EPHA5: variants seen among roughly 807,000 people sequenced by gnomAD.
EPHA5 encodes the protein ephrin type-A receptor 5.
Under a neutral mutation model 105.0 loss-of-function variants are expected in EPHA5, and 60 were observed. That is an observed-to-expected ratio of 0.57 (90% CI 0.46 to 0.71). The LOEUF (loss-of-function observed/expected upper bound fraction) is 0.71, where lower values mean the gene tolerates loss of function less well. EPHA5 is among the 30% of genes least tolerant of loss of function. EPHA5 has a pLI of 0.00. For synonymous variants in EPHA5, 513 were observed against 449.1 expected (o/e 1.14, Z -1.80); for missense variants, 1,218 against 1,274.7 (o/e 0.96, Z 0.68).
At chr4:65,399,824 A>T (rs1212611417) in intron 8 of EPHA5, among the ~76,000 whole-genome samples, 2 of 152,200 alleles carry the variant, frequency 1.3e-5, no homozygotes, top group African/African-American at 4.8e-5. Flanking sequence ...ATAGTATTAA[A>T]AAATATTCTT....
At chr4:65,528,166 G>A (rs961309706) in intron 3 of EPHA5, among the ~76,000 whole-genome samples, 3 of 149,790 alleles carry the variant, frequency 2.0e-5, no homozygotes, top group Non-Finnish European at 4.5e-5. Flanking sequence ...GAAAAAGCTT[G>A]CTGTAGATGT....
rs2149020262 is a variant in EPHA5, at chr4:65,414,417, G to C, written c.1554C>G (p.Ile518Met). ...CAGTAATAGTTGTCTCTTTAGATTT[G>C]ATAATCGTGTAGCTGGTCTCTTGGT... ...EKDQETSYTI[I>M]KSKETTITAE... Residue 518 changes from isoleucine (I) to methionine (M), a missense_variant, in exon 7 of 17, where the codon ATC becomes ATG. By Grantham distance (10) the Ile-to-Met change is conservative (BLOSUM62 1). This residue lies in a region of EPHA5 where 971 missense variants were observed against 1,013.5 expected (regional missense o/e 0.96). Transcript: ENST00000613740. 1 of 1,613,868 alleles carries C rather than the reference G, an allele frequency of 6.2e-7. No homozygotes were observed. The highest frequency in any genetic ancestry group is 8.5e-7 in the Non-Finnish European group (1 of 1,179,856).
chr4:65,570,253 A>G (rs1000442046), intron 3 of EPHA5, among the ~76,000 whole-genome samples: 1 of 151,892 alleles, frequency 6.6e-6, no homozygotes, highest in Non-Finnish European at 1.5e-5. Context: ...TTAATACTGT[A>G]TTATAATCCA....
chr4:65,334,068 C>T (rs1720943776), intron 15 of EPHA5, among the ~76,000 whole-genome samples: 2 of 151,930 alleles, frequency 1.3e-5, no homozygotes, highest in Admixed American at 1.3e-4. Flanking sequence ...CACAATCTAA[C>T]CTTCTAGTAT....
At chr4:65,383,218 TATAC>T (rs1277141443) in intron 8 of EPHA5, among the ~76,000 whole-genome samples, 5 of 106,670 alleles carry the variant, frequency 4.7e-5, no homozygotes, top group Admixed American at 1.8e-4. Flanking sequence ...GCATATATGA[TATAC>T]ACACACACAC....
intron 11 of EPHA5, among the ~76,000 whole-genome samples, 164 bp from the exon 12 acceptor site, chr4:65,353,267 A>G (rs1177395734): frequency 6.8e-6 from 1 of 147,070 alleles, no homozygotes; most frequent in Non-Finnish European, 1.5e-5. Flanking sequence ...TAAATGAAAG[A>G]TATTTAAATA....
intron 1 of EPHA5, among the ~76,000 whole-genome samples, chr4:65,644,371 C>T (rs1039024426): frequency 6.6e-6 from 1 of 152,010 alleles, no homozygotes; most frequent in Non-Finnish European, 1.5e-5. Flanking sequence ...TTATACCTAT[C>T]CCACATGGTT....
chr4:65,335,790 G>T, intron 15 of EPHA5, 142 bp downstream of exon 15: 1 of 763,406 alleles, frequency 1.3e-6, no homozygotes, highest in Non-Finnish European at 2.0e-6. Flanking sequence ...AGAGTAGCAT[G>T]CAAAAACTAT....
chr4:65,638,000 T>G (rs1169127917), intron 2 of EPHA5, among the ~76,000 whole-genome samples: 1 of 88,216 alleles, frequency 1.1e-5, no homozygotes, highest in African/African-American at 3.3e-5. Flanking sequence ...TTATGAGGAA[T>G]GAATAATAGT....
At chr4:65,403,668 T>C (rs1234182184) in intron 8 of EPHA5, among the ~76,000 whole-genome samples, 1 of 152,084 alleles carries the variant, frequency 6.6e-6, no homozygotes, top group Non-Finnish European at 1.5e-5. Flanking sequence ...AGGTTGATTA[T>C]GCTCAGCTTA....
rs537808747 is a variant in EPHA5 at position 65,513,719 on chromosome 4, C to G, written c.911-18176G>C. Among the ~76,000 whole-genome samples, 407 of 152,180 alleles carry G rather than the reference C, an allele frequency of 2.7e-3. 1 individual carries two copies. The highest frequency in any genetic ancestry group is 8.8e-3 in the African/African-American group (366 of 41,514). Reference sequence around the variant, plus strand: ...TTTCTAAGTACTTCTAAATCTTTCACTTTTTTTGTGTTTTTAAAGTCTTCT... The same window carrying G: ...TTTCTAAGTACTTCTAAATCTTTCAGTTTTTTTGTGTTTTTAAAGTCTTCT... On this transcript the variant is annotated intron_variant, in intron 3 of 16. Coordinates refer to ENST00000613740, the MANE Select transcript of EPHA5 (RefSeq NM_001281766.3).
intron 3 of EPHA5, among the ~76,000 whole-genome samples, chr4:65,593,443 C>T (rs949899764): frequency 2.0e-5 from 3 of 152,296 alleles, no homozygotes; most frequent in Non-Finnish European, 2.9e-5. Context: ...AACACACTCA[C>T]TGCAAGAGTG....
At chr4:65,389,453 C>T (rs1319693848) in intron 8 of EPHA5, among the ~76,000 whole-genome samples, 1 of 151,918 alleles carries the variant, frequency 6.6e-6, no homozygotes, top group Non-Finnish European at 1.5e-5. Context: ...TGTAATATTT[C>T]TCCATATTTT....
At chr4:65,405,254 CTGA>C (rs1405852992) in intron 7 of EPHA5, among the ~76,000 whole-genome samples, 15 of 138,476 alleles carry the variant, frequency 1.1e-4, no homozygotes, top group East Asian at 2.2e-4. Context: ...TATTTTTGTG[CTGA>C]TAACTAATCT....
At chr4:65,477,203 C>T (rs1034158933) in intron 5 of EPHA5, among the ~76,000 whole-genome samples, 1 of 152,088 alleles carries the variant, frequency 6.6e-6, no homozygotes, top group Admixed American at 6.5e-5. Flanking sequence ...CTCAAGAAAG[C>T]AGCAATTTAA....
At chr4:65,426,435 T>C (rs540776464) in intron 5 of EPHA5, among the ~76,000 whole-genome samples, 1 of 152,274 alleles carries the variant, frequency 6.6e-6, no homozygotes, top group South Asian at 2.1e-4. Flanking sequence ...CATTTGTTAA[T>C]TTCTTATTTT....
At chr4:65,537,138 G>A (rs540064454) in intron 3 of EPHA5, among the ~76,000 whole-genome samples, 5 of 151,776 alleles carry the variant, frequency 3.3e-5, no homozygotes, top group African/African-American at 1.2e-4. Flanking sequence ...ATAAAAGAAG[G>A]TACTGAACAA....
Position 65,324,030 on chromosome 4 carries a change from TC to T in EPHA5, c.*83del. 2.3e-6 allele frequency: 2 copies of T among 883,520 alleles called. No individual in the cohort carries two copies. The highest frequency in any genetic ancestry group is 3.6e-6 in the Non-Finnish European group (2 of 553,736). 54.7% of individuals were successfully genotyped at this position (883,520 alleles called of 1,614,324 possible). On this transcript the variant is annotated 3_prime_UTR_variant, in exon 17 of 17. Transcript: ENST00000613740. Reference sequence around the variant, plus strand: ...GTTTAGAAATCACTGTTTTCCCTTTTCCCCCTTTTTTTGTTAAAATAAATCT... The same window carrying T: ...GTTTAGAAATCACTGTTTTCCCTTTTCCCCTTTTTTTGTTAAAATAAATCT...
intron 8 of EPHA5, among the ~76,000 whole-genome samples, chr4:65,378,757 C>T (rs1719262290): frequency 6.6e-6 from 1 of 151,550 alleles, no homozygotes; most frequent in African/African-American, 2.4e-5. Context: ...ATGAGAATGA[C>T]TGCTCTTGTT....
Sources: allele counts gnomAD v4.1 joint callset (sites outside exome capture counted in the v4.1 genomes callset), GRCh38; gene constraint gnomAD v4.1.1; regional missense constraint gnomAD v4.1.1; transcripts MANE v1.5; gene names NCBI Gene and HGNC (gene_info 2026-07-23, HGNC 2026-07-21).